Variants in ARHGAP10 observed in about 807,000 individuals in gnomAD.
ARHGAP10 encodes the protein Rho GTPase activating protein 10, also known as rho GTPase-activating protein 10.
ARHGAP10 carries 87 observed loss-of-function variants against 108.6 expected under a neutral mutation model. The observed-to-expected ratio is 0.80, with a 90% confidence interval of 0.67 to 0.96. The LOEUF (loss-of-function observed/expected upper bound fraction) is 0.96. Ranked by LOEUF, ARHGAP10 falls within the 40% of genes least tolerant of loss-of-function variation. ARHGAP10 has a pLI of 0.00. For missense variants in ARHGAP10, 939 were observed against 954.5 expected (o/e 0.98, Z 0.21); for synonymous variants, 347 against 341.1 (o/e 1.02, Z -0.19).
At chr4:147,986,970 T>C (rs1211838070) in intron 18 of ARHGAP10, among the ~76,000 whole-genome samples, 1 of 152,196 alleles carries the variant, frequency 6.6e-6, no homozygotes, top group Non-Finnish European at 1.5e-5. Context: ...CCTTTTGTCT[T>C]CATTGTGACT....
chr4:147,934,606 G>A (rs1251637592), intron 13 of ARHGAP10, among the ~76,000 whole-genome samples: 1 of 152,156 alleles, frequency 6.6e-6, no homozygotes, highest in Non-Finnish European at 1.5e-5. Context: ...GATGCCCTGA[G>A]GCAGTAGGAC....
At chr4:147,823,521 G>T (rs1449666966) in intron 3 of ARHGAP10, among the ~76,000 whole-genome samples, 3 of 152,146 alleles carry the variant, frequency 2.0e-5, no homozygotes, top group Non-Finnish European at 4.4e-5. Flanking sequence ...CCTTTAGGAG[G>T]CTAAGCTGGG....
At chr4:147,740,784 T>G (rs934892822) in intron 1 of ARHGAP10, among the ~76,000 whole-genome samples, 1 of 152,212 alleles carries the variant, frequency 6.6e-6, no homozygotes, top group African/African-American at 2.4e-5. Context: ...TTGAAAAGTT[T>G]GAGATACTTT....
At chr4:147,955,509 G>T (rs913338608) in intron 16 of ARHGAP10, 135 bp downstream of exon 16, 3 of 711,926 alleles carry the variant, frequency 4.2e-6, no homozygotes, top group African/African-American at 3.6e-5. Context: ...ATGATGTTTG[G>T]TGCCTCCCCT....
At chr4:147,798,781 C>CTCTA (rs1731452503) in intron 1 of ARHGAP10, among the ~76,000 whole-genome samples, 3 of 7,238 alleles carry the variant, frequency 4.1e-4, no homozygotes, top group African/African-American at 7.0e-4. Context: ...CTCTCTCTCT[C>CTCTA]TATATATATA....
At chr4:147,876,539 G>A (rs1021862780) in intron 8 of ARHGAP10, among the ~76,000 whole-genome samples, 3 of 152,056 alleles carry the variant, frequency 2.0e-5, no homozygotes, top group Admixed American at 1.3e-4. Context: ...CTTGCAGTGA[G>A]CCAAGATCGC....
chr4:147,877,032 G>A (rs1178498924), intron 8 of ARHGAP10, among the ~76,000 whole-genome samples: 1 of 152,202 alleles, frequency 6.6e-6, no homozygotes, highest in African/African-American at 2.4e-5. Flanking sequence ...AGCATCATTA[G>A]TGTGTATGCC....
intron 4 of ARHGAP10, among the ~76,000 whole-genome samples, chr4:147,857,228 T>A (rs1047083172): frequency 6.6e-6 from 1 of 152,248 alleles, no homozygotes; most frequent in Non-Finnish European, 1.5e-5. Flanking sequence ...TTATTTTTCT[T>A]ACGTATTTTG....
chr4:147,851,750 C>A (rs1733884284), intron 4 of ARHGAP10, among the ~76,000 whole-genome samples: 1 of 152,138 alleles, frequency 6.6e-6, no homozygotes, highest in Non-Finnish European at 1.5e-5. Flanking sequence ...CACTGGCCAG[C>A]CTTCAGGAAG....
intron 19 of ARHGAP10, among the ~76,000 whole-genome samples, chr4:148,025,243 T>C (rs1741720570): frequency 6.6e-6 from 1 of 152,216 alleles, no homozygotes; most frequent in Non-Finnish European, 1.5e-5. Context: ...GGGAAAGGAT[T>C]GTCAGCTACT....
At chr4:147,756,883 G>GTTT (rs766069125) in intron 1 of ARHGAP10, among the ~76,000 whole-genome samples, 2 of 142,356 alleles carry the variant, frequency 1.4e-5, no homozygotes, top group Non-Finnish European at 1.5e-5. Flanking sequence ...TTGTGTAATT[G>GTTT]TTTTTTTTTT....
intron 19 of ARHGAP10, among the ~76,000 whole-genome samples, chr4:148,024,526 G>A (rs1272985936): frequency 1.3e-5 from 2 of 152,156 alleles, no homozygotes; most frequent in African/African-American, 2.4e-5. Flanking sequence ...AGGAAGACTC[G>A]GAATGCCTCC....
At chr4:147,989,335 A>T (rs1204677425) in intron 18 of ARHGAP10, among the ~76,000 whole-genome samples, 1 of 152,262 alleles carries the variant, frequency 6.6e-6, no homozygotes, top group Non-Finnish European at 1.5e-5. Context: ...TTTGGGCACC[A>T]TTGTCATTGA....
At chr4:147,780,411 A>C (rs1251513775) in intron 1 of ARHGAP10, among the ~76,000 whole-genome samples, 1 of 152,174 alleles carries the variant, frequency 6.6e-6, no homozygotes, top group Non-Finnish European at 1.5e-5. Flanking sequence ...AGGGTGAAAC[A>C]AAATGGTACC....
chr4:147,857,583 G>C lies in ARHGAP10; in HGVS notation c.415G>C (p.Glu139Gln). ...AAAAAAGAAGTTTGACAAAGAGACA[G>C]AAAAGAATTATAGTCTAATTGATAA... ...EEKKKFDKET[E>Q]KNYSLIDKHL... is the part of the protein sequence containing the mutation. The change falls in exon 5 of 23, where the codon GAA (glutamate) becomes CAA (glutamine). Residue 139 changes from glutamate (E) to glutamine (Q), a missense_variant. Coordinates refer to ENST00000336498, the MANE Select transcript of ARHGAP10 (RefSeq NM_024605.4). 6.8e-7 allele frequency: 1 copy of C among 1,481,150 alleles called. No individual in the cohort carries two copies. Among genetic ancestry groups the C allele is most frequent in the Non-Finnish European group, 8.9e-7 (1 of 1,117,628 alleles). 91.8% of individuals were successfully genotyped at this position (1,481,150 alleles called of 1,614,324 possible). A position where few individuals can be genotyped will look rare whatever the true frequency, so the allele number is the denominator to read the frequency against.
intron 5 of ARHGAP10, chr4:147,863,363 A>G (rs1190876836): frequency 6.6e-6 from 1 of 152,182 alleles, no homozygotes; most frequent in African/African-American, 2.4e-5. Context: ...TCCCTTTGTG[A>G]CTAGTTTATT....
chr4:147,994,915 C>T (rs1740413240), intron 18 of ARHGAP10, among the ~76,000 whole-genome samples: 1 of 152,158 alleles, frequency 6.6e-6, no homozygotes, highest in African/African-American at 2.4e-5. Context: ...TGCTAATAAG[C>T]ACAGAGTAAG....
chr4:148,050,572 A>G (rs1490008485), intron 20 of ARHGAP10, among the ~76,000 whole-genome samples: 2 of 151,406 alleles, frequency 1.3e-5, no homozygotes, highest in Non-Finnish European at 2.9e-5. Flanking sequence ...ACGGGGTTTC[A>G]CTGCGTTAGC....
At chr4:147,745,633 A>C (rs551097783) in intron 1 of ARHGAP10, among the ~76,000 whole-genome samples, 8 of 149,834 alleles carry the variant, frequency 5.3e-5, no homozygotes, top group African/African-American at 2.0e-4. Flanking sequence ...CTGGGACTAC[A>C]GGCGCCCACA....
Sources: gnomAD v4.1 joint callset for allele counts (sites outside exome capture counted in the v4.1 genomes callset) on GRCh38, gnomAD v4.1.1 for gene constraint, MANE v1.5 for transcripts, NCBI Gene and HGNC (gene_info 2026-07-23, HGNC 2026-07-21) for gene names.